The following MAGI2 variants were observed in gnomAD, a reference collection of about 807,000 sequenced individuals.
MAGI2 encodes the protein membrane-associated guanylate kinase, WW and PDZ domain-containing protein 2.
In MAGI2, 35 loss-of-function variants were observed where a neutral mutation model predicts 133.3. The ratio of observed to expected loss-of-function variants is 0.26; its 90% CI spans 0.20 to 0.35. The LOEUF (loss-of-function observed/expected upper bound fraction) is 0.35. Ranked by LOEUF, MAGI2 falls within the 10% of genes least tolerant of loss-of-function variation. The pLI, the probability that MAGI2 is intolerant of heterozygous loss-of-function variation, is 1.00. For missense variants in MAGI2, 1,636 were observed against 1,863.4 expected (o/e 0.88, Z 2.25); for synonymous variants, 729 against 710.6 (o/e 1.03, Z -0.41).
At chr7:78,804,212 T>C (rs1219284274) in intron 2 of MAGI2, among the ~76,000 whole-genome samples, 2 of 133,548 alleles carry the variant, frequency 1.5e-5, no homozygotes, top group African/African-American at 5.2e-5. Flanking sequence ...AAATGGCTTC[T>C]GATTGGAAAA....
chr7:78,899,819 C>G (rs1004398404), intron 2 of MAGI2, among the ~76,000 whole-genome samples: 2 of 152,154 alleles, frequency 1.3e-5, no homozygotes, highest in African/African-American at 4.8e-5. Context: ...CACACCATAA[C>G]TGTCTAAAGA....
intron 2 of MAGI2, among the ~76,000 whole-genome samples, chr7:78,875,599 A>G (rs897180297): frequency 6.6e-6 from 1 of 152,200 alleles, no homozygotes; most frequent in Non-Finnish European, 1.5e-5. Flanking sequence ...ACAAAGAAAC[A>G]AATAAAATAA....
chr7:78,537,190 C>T (rs1259435387), intron 3 of MAGI2, among the ~76,000 whole-genome samples: 2 of 151,780 alleles, frequency 1.3e-5, no homozygotes, highest in African/African-American at 4.8e-5. Flanking sequence ...CACACACACA[C>T]ACACACACAC....
chr7:78,677,315 T>A (rs897470758), intron 2 of MAGI2, among the ~76,000 whole-genome samples: 5 of 151,216 alleles, frequency 3.3e-5, no homozygotes, highest in Non-Finnish European at 7.4e-5. Context: ...TTTATATATA[T>A]AATTATATAA....
chr7:79,323,992 T>C (rs1039325527), intron 1 of MAGI2, among the ~76,000 whole-genome samples: 1 of 152,096 alleles, frequency 6.6e-6, no homozygotes, highest in African/African-American at 2.4e-5. Flanking sequence ...AGAGACAAAC[T>C]ACCTGGACTC....
At chr7:78,367,396 C>T (rs552246879) in intron 7 of MAGI2, among the ~76,000 whole-genome samples, 19 of 152,152 alleles carry the variant, frequency 1.2e-4, no homozygotes, top group Non-Finnish European at 2.2e-4. Context: ...AAAAAACAAC[C>T]GGAAGAATTA....
At chr7:78,201,609 T>G (rs1829258578) in intron 10 of MAGI2, among the ~76,000 whole-genome samples, 1 of 152,252 alleles carries the variant, frequency 6.6e-6, no homozygotes, top group South Asian at 2.1e-4. Flanking sequence ...TTTATTTACC[T>G]GCTTTATGTG....
At chr7:78,711,610 T>TTTATTC (rs4021885) in intron 2 of MAGI2, among the ~76,000 whole-genome samples, 64,549 of 151,644 alleles carry the variant, frequency 0.43, 14,149 homozygotes, top group Middle Eastern at 0.49. Flanking sequence ...CGATGGAGTC[T>TTTATTC]TTAGGTCCCC....
At chr7:79,390,727 G>A (rs533541126) in intron 1 of MAGI2, among the ~76,000 whole-genome samples, 18 of 152,304 alleles carry the variant, frequency 1.2e-4, no homozygotes, top group African/African-American at 1.7e-4. Context: ...TCTTCGAAGC[G>A]TGGATTTTAT....
intron 1 of MAGI2, among the ~76,000 whole-genome samples, chr7:79,260,741 G>A (rs1319652239): frequency 6.6e-6 from 1 of 152,174 alleles, no homozygotes; most frequent in Non-Finnish European, 1.5e-5. Flanking sequence ...TTCAGGCTAT[G>A]CATATAAGAT....
At chr7:78,785,210 A>G (rs1674525278) in intron 2 of MAGI2, among the ~76,000 whole-genome samples, 1 of 152,236 alleles carries the variant, frequency 6.6e-6, no homozygotes, top group African/African-American at 2.4e-5. Context: ...AAATATTTTA[A>G]AATGGGAGAA....
At chr7:79,164,121 A>T (rs1292465889) in intron 1 of MAGI2, among the ~76,000 whole-genome samples, 1 of 152,028 alleles carries the variant, frequency 6.6e-6, no homozygotes, top group African/African-American at 2.4e-5. Context: ...TGGCCTGCCC[A>T]TGCATTCTAT....
intron 2 of MAGI2, among the ~76,000 whole-genome samples, chr7:78,721,953 T>G (rs1202666547): frequency 6.6e-6 from 1 of 151,864 alleles, no homozygotes; most frequent in Non-Finnish European, 1.5e-5. Flanking sequence ...TTTAATAAAA[T>G]GTATTGTATA....
At chr7:79,077,814 G>T (rs1166976201) in intron 1 of MAGI2, among the ~76,000 whole-genome samples, 2 of 151,908 alleles carry the variant, frequency 1.3e-5, no homozygotes, top group East Asian at 1.9e-4. Context: ...TGGATGTACT[G>T]TATAGTACAC....
At chr7:78,791,893 A>C (rs1283644952) in intron 2 of MAGI2, among the ~76,000 whole-genome samples, 1 of 152,164 alleles carries the variant, frequency 6.6e-6, no homozygotes, top group Non-Finnish European at 1.5e-5. Context: ...GGTAGGTCAA[A>C]TTATTATGGA....
chr7:78,520,447 T>G (rs912551901), intron 4 of MAGI2, among the ~76,000 whole-genome samples: 1 of 152,036 alleles, frequency 6.6e-6, no homozygotes, highest in Non-Finnish European at 1.5e-5. Flanking sequence ...CCTGAAAATA[T>G]AGACATCAAA....
chr7:79,100,704 T>C (rs1817901168), intron 1 of MAGI2, among the ~76,000 whole-genome samples: 1 of 151,848 alleles, frequency 6.6e-6, no homozygotes, highest in Non-Finnish European at 1.5e-5. Context: ...TGTAATTAAA[T>C]ATATAGCTAT....
At chr7:78,991,094 C>T (rs1805724966) in intron 2 of MAGI2, among the ~76,000 whole-genome samples, 1 of 151,842 alleles carries the variant, frequency 6.6e-6, no homozygotes, top group Admixed American at 6.6e-5. Context: ...CTCACGAGAT[C>T]TGATGATTTA....
At chr7:78,538,276 G>A (rs1362568171) in intron 3 of MAGI2, among the ~76,000 whole-genome samples, 3 of 152,088 alleles carry the variant, frequency 2.0e-5, no homozygotes, top group Non-Finnish European at 4.4e-5. Context: ...CTCCAAATTT[G>A]TTCTTTTTGC....
Sources: allele counts gnomAD v4.1 joint callset (sites outside exome capture counted in the v4.1 genomes callset), GRCh38; gene constraint gnomAD v4.1.1; transcripts MANE v1.5; gene names NCBI Gene and HGNC (gene_info 2026-07-23, HGNC 2026-07-21).